The following SEC31B variants were observed in gnomAD, a reference collection of about 807,000 sequenced individuals.
The protein encoded by SEC31B is SEC31 homolog B, COPII component, also known as protein transport protein Sec31B.
A neutral mutation model predicts 135.0 loss-of-function variants in SEC31B; 113 were observed. The ratio of observed to expected loss-of-function variants is 0.84; its 90% CI spans 0.72 to 0.98. The LOEUF (loss-of-function observed/expected upper bound fraction) is 0.98, where lower values mean the gene tolerates loss of function less well. SEC31B is among the 50% of genes least tolerant of loss of function. SEC31B has a pLI of 0.00. For missense variants in SEC31B, 1,296 were observed against 1,421.1 expected (o/e 0.91, Z 1.42); for synonymous variants, 508 against 549.4 (o/e 0.92, Z 1.05).
At position 100,496,257 on chromosome 10, in the gene SEC31B, C is replaced by T; in HGVS notation, c.2310+1G>A. On this transcript the variant is annotated splice_donor_variant, in intron 18 of 25. Coordinates refer to ENST00000370345, the MANE Select transcript of SEC31B (RefSeq NM_015490.4). LOFTEE classifies it high-confidence loss of function. Reference sequence around the variant, plus strand: ...TGCTCTCTCCACATGGCCCCACTTACCTGAGCACAGTCCCTGGGTAGAAAG... The same window carrying T: ...TGCTCTCTCCACATGGCCCCACTTATCTGAGCACAGTCCCTGGGTAGAAAG... 3 of 1,613,942 alleles carry T rather than the reference C, an allele frequency of 1.9e-6. No homozygotes were observed. Among genetic ancestry groups the T allele is most frequent in the Non-Finnish European group, 2.5e-6 (3 of 1,179,868 alleles).
intron 24 of SEC31B, among the ~76,000 whole-genome samples, chr10:100,488,339 G>A (rs1488788978): frequency 6.6e-6 from 1 of 151,698 alleles, no homozygotes; most frequent in Non-Finnish European, 1.5e-5. Flanking sequence ...GGCACCTGTA[G>A]TCCCAGCTAC....
chr10:100,505,015 G>GT (rs372010853), intron 10 of SEC31B, among the ~76,000 whole-genome samples: 145 of 148,574 alleles, frequency 9.8e-4, no homozygotes, highest in African/African-American at 1.4e-3. Context: ...GAATAAAATG[G>GT]TTTTTTTTTT....
At chr10:100,507,688 A>G (rs1233258235) in intron 6 of SEC31B, 121 bp from the exon 7 acceptor site, 13 of 1,395,442 alleles carry the variant, frequency 9.3e-6, no homozygotes, top group Non-Finnish European at 1.3e-5. Flanking sequence ...CAGGCATCAG[A>G]GAGTGATGGC....
chr10:100,500,605 C>T (rs1472833916), intron 11 of SEC31B, among the ~76,000 whole-genome samples: 3 of 152,050 alleles, frequency 2.0e-5, no homozygotes, highest in Admixed American at 6.5e-5. Flanking sequence ...CGTGAGCCAC[C>T]GCACCCAGCC....
chr10:100,490,647 C>G, intron 20 of SEC31B, 59 bp downstream of exon 20: 2 of 1,462,094 alleles, frequency 1.4e-6, no homozygotes, highest in Non-Finnish European at 1.8e-6. Flanking sequence ...CTGGCCATGC[C>G]AATTGCTTTC....
Position 100,489,380 on chromosome 10 carries a change from G to A in SEC31B, c.3043C>T (p.Pro1015Ser), listed in dbSNP as rs139252999. 168 of 1,613,558 alleles carry A rather than the reference G, an allele frequency of 1.0e-4. No individual in the cohort carries two copies. Among genetic ancestry groups the A allele is most frequent in the Admixed American group, 1.7e-4 (10 of 59,922 alleles). Reference sequence around the variant, plus strand: ...ACTGGAGCAGTAATTGGTGCTGGGGGCATAAATGTCTCTGGCAGCTAAAGA... The same window carrying A: ...ACTGGAGCAGTAATTGGTGCTGGGGACATAAATGTCTCTGGCAGCTAAAGA... ...QRNKLPETFM[P>S]PAPITAPVMS... The change falls in exon 23 of 26, where the codon CCC (proline) becomes TCC (serine). Residue 1015 changes from proline to serine, a missense_variant. Coordinates refer to ENST00000370345, the MANE Select transcript of SEC31B (RefSeq NM_015490.4).
At chr10:100,488,688 A>T (rs770466429) in intron 24 of SEC31B, among the ~76,000 whole-genome samples, 170 bp downstream of exon 24, 1 of 152,028 alleles carries the variant, frequency 6.6e-6, no homozygotes, top group South Asian at 2.1e-4. Context: ...TTCAGACCAG[A>T]CTCAAAAGTC....
At position 100,509,102 on chromosome 10, in the gene SEC31B, C is replaced by T. The variant is rs1851689316; in HGVS notation, c.400G>A (p.Gly134Ser). The change falls in exon 5 of 26, where the codon GGC becomes AGC. Residue 134 changes from glycine (G) to serine (S), a missense_variant and splice_region_variant. Coordinates refer to ENST00000370345, the MANE Select transcript of SEC31B (RefSeq NM_015490.4). ...CTGGCCCCTGAAGCCAGGAGGTTGCCCTGTATGAATAAAAAGTGTTTGGAG... is the reference window on the plus strand; with the variant it reads ...CTGGCCCCTGAAGCCAGGAGGTTGCTCTGTATGAATAAAAAGTGTTTGGAG... The part of the protein sequence containing the change: ...VRALDLNPFQ[G>S]NLLASGASDS... The T allele has an allele frequency of 1.9e-6, 3 of 1,613,670 alleles. No homozygotes were observed. Among genetic ancestry groups the T allele is most frequent in the African/African-American group, 2.7e-5 (2 of 74,974 alleles).
intron 2 of SEC31B, among the ~76,000 whole-genome samples, chr10:100,516,648 C>CAAAAAAAAAA (rs59172062): frequency 2.1e-5 from 1 of 47,508 alleles, no homozygotes; most frequent in Non-Finnish European, 4.0e-5. Flanking sequence ...GACTCTGTCT[C>CAAAAAAAAAA]AAAAAAAAAA....
At chr10:100,500,477 G>A (rs1210968205) in intron 11 of SEC31B, among the ~76,000 whole-genome samples, 2 of 151,880 alleles carry the variant, frequency 1.3e-5, no homozygotes, top group Non-Finnish European at 2.9e-5. Flanking sequence ...ACCACGCCCG[G>A]CTAATTTTTT....
chr10:100,509,911 T>C (rs1390488231), intron 3 of SEC31B, among the ~76,000 whole-genome samples: 2 of 152,238 alleles, frequency 1.3e-5, no homozygotes, highest in Non-Finnish European at 2.9e-5. Context: ...ATACTTGCTA[T>C]GTATCAGACA....
At chr10:100,489,221 C>T in intron 23 of SEC31B, 31 bp downstream of exon 23, 1 of 1,576,770 alleles carries the variant, frequency 6.3e-7, no homozygotes, top group Non-Finnish European at 8.6e-7. Flanking sequence ...GGAAGGTTTC[C>T]CAAGGGAGGG....
intron 25 of SEC31B, 49 bp downstream of exon 25, chr10:100,487,978 T>C: frequency 6.3e-7 from 1 of 1,588,080 alleles, no homozygotes; most frequent in South Asian, 1.1e-5. Flanking sequence ...TTGGCCATGG[T>C]GATGGTGGAA....
chr10:100,516,825 C>T, intron 2 of SEC31B, 49 bp downstream of exon 2: 5 of 1,350,568 alleles, frequency 3.7e-6, no homozygotes, highest in Non-Finnish European at 5.3e-6. Flanking sequence ...CTAAGTTTCC[C>T]CTCAACTTAT....
At chr10:100,506,852 C>A (rs749066466) in intron 7 of SEC31B, among the ~76,000 whole-genome samples, 1 of 152,196 alleles carries the variant, frequency 6.6e-6, no homozygotes, top group Non-Finnish European at 1.5e-5. Flanking sequence ...GTAATCCCAA[C>A]ACTGTGCAAG....
rs1444320143 is a variant in SEC31B, at chr10:100,496,316, A to C, written c.2252T>G (p.Leu751Arg). 1 of 1,614,214 alleles carries C rather than the reference A, an allele frequency of 6.2e-7. No homozygotes were observed. The highest frequency in any genetic ancestry group is 8.5e-7 in the Non-Finnish European group (1 of 1,180,022). The change falls in exon 18 of 26, where the codon CTG becomes CGG. Residue 751 changes from leucine (L) to arginine (R), a missense_variant. By Grantham distance (102) the Leu-to-Arg change is moderately radical. Transcript: ENST00000370345. Reference protein sequence around the residue: ...TYRVTQYANLLAAQGSLATAM... With the variant: ...TYRVTQYANLRAAQGSLATAM... ...AGTGGCCAGGCTGCCCTGGGCTGCC[A>C]GGAGGTTGGCATACTGAGTGACCCT...
chr10:100,511,921 T>C (rs1851744490), intron 3 of SEC31B, among the ~76,000 whole-genome samples: 1 of 151,992 alleles, frequency 6.6e-6, no homozygotes, highest in African/African-American at 2.4e-5. Context: ...CAATTTACAG[T>C]GGGAAAAAAA....
chr10:100,496,773 A>G (rs929039379), intron 17 of SEC31B, among the ~76,000 whole-genome samples: 6 of 152,216 alleles, frequency 3.9e-5, no homozygotes, highest in Non-Finnish European at 7.3e-5. Flanking sequence ...TTGTCTCTCC[A>G]TGAGTCTGTG....
rs1306956321 is a variant in SEC31B, at chr10:100,508,066, G to T, written c.496-15C>A. The T allele has an allele frequency of 1.2e-6, 2 of 1,613,806 alleles. No homozygotes were observed. The highest frequency in any genetic ancestry group is 1.7e-5 in the Admixed American group (1 of 60,024). ...TCTGGAGGCTGCTAAGGCAGGATGG[G>T]GACAGAAAGATGACAACTTGTCACC... On this transcript the variant is annotated splice_polypyrimidine_tract_variant and intron_variant, in intron 5 of 25. Transcript: ENST00000370345.
Sources: allele counts gnomAD v4.1 joint callset (sites outside exome capture counted in the v4.1 genomes callset), GRCh38; gene constraint gnomAD v4.1.1; transcripts MANE v1.5; gene names NCBI Gene and HGNC (gene_info 2026-07-23, HGNC 2026-07-21).